Variants in BLK observed in about 807,000 individuals in gnomAD.
The protein encoded by BLK is BLK proto-oncogene, Src family tyrosine kinase.
Under a neutral mutation model 61.8 loss-of-function variants are expected in BLK, and 64 were observed. That is an observed-to-expected ratio of 1.03 (90% CI 0.85 to 1.27). The LOEUF is 1.27. BLK is among the 50% of genes most tolerant of loss of function. The pLI, the probability that BLK is intolerant of heterozygous loss-of-function variation, is 0.00. For missense variants in BLK, 853 were observed against 660.5 expected, an observed-to-expected ratio of 1.29 and a Z score of -3.19; for synonymous variants, 351 against 272.0, an observed-to-expected ratio of 1.29 and a Z score of -2.86.
chr8:11,512,768 A>G (rs1799068255), intron 1 of BLK, among the ~76,000 whole-genome samples: 1 of 152,074 alleles, frequency 6.6e-6, no homozygotes. Context: ...GGTTCAAGTG[A>G]TTCTGCTGTC....
intron 1 of BLK, among the ~76,000 whole-genome samples, chr8:11,524,207 T>C (rs1799560993): frequency 6.6e-6 from 1 of 152,238 alleles, no homozygotes; most frequent in Non-Finnish European, 1.5e-5. Context: ...TAATTTATAC[T>C]GTACTGTTCA....
chr8:11,559,784 C>G (rs1261475064), intron 10 of BLK: 1 of 456,126 alleles, frequency 2.2e-6, no homozygotes, highest in African/African-American at 2.0e-5. Flanking sequence ...CACTTCCCAC[C>G]TGGCAGAATC....
intron 1 of BLK, among the ~76,000 whole-genome samples, chr8:11,511,688 G>C (rs1261200375): frequency 6.6e-6 from 1 of 152,082 alleles, no homozygotes; most frequent in East Asian, 1.9e-4. Flanking sequence ...AAAGGGGATG[G>C]ACTTCCTGAA....
Position 11,535,219 on chromosome 8 carries a change from G to A in BLK, c.-1-8005G>A, listed in dbSNP as rs1483050042. On this transcript the variant is annotated intron_variant, in intron 1 of 12. Coordinates refer to ENST00000259089, the MANE Select transcript of BLK (RefSeq NM_001715.3). ...AGAAGGAAAGAAAGAAAGAAAGAGA[G>A]AGAAAGAAAGAAAAAGAAAAGAAGG... is the stretch of plus-strand genomic sequence containing the variant. Among the ~76,000 whole-genome samples the A allele has an allele frequency of 7.5e-5, 9 of 120,770 alleles. No individual in the cohort carries two copies. In the East Asian group the frequency reaches 9.9e-4, roughly 13 times the overall value. 79.2% of individuals were successfully genotyped at this position (120,770 alleles called of 152,430 possible).
chr8:11,543,806 TG>T (rs1005309382), intron 2 of BLK, among the ~76,000 whole-genome samples: 39 of 152,210 alleles, frequency 2.6e-4, no homozygotes, highest in Non-Finnish European at 4.4e-4. Context: ...TGGAATCCCA[TG>T]GGCATTTTAA....
intron 3 of BLK, among the ~76,000 whole-genome samples, chr8:11,546,340 A>C (rs1800640376): frequency 1.3e-5 from 2 of 152,186 alleles, no homozygotes; most frequent in African/African-American, 4.8e-5. Context: ...AGACTTTACA[A>C]ACTGTAAACA....
chr8:11,558,858 C>T (rs773441969), intron 10 of BLK: 10 of 455,880 alleles, frequency 2.2e-5, no homozygotes, highest in Non-Finnish European at 3.1e-5. Context: ...AGAGGAAACG[C>T]TCCCACCCAC....
At chr8:11,526,758 A>G (rs1277577025) in intron 1 of BLK, among the ~76,000 whole-genome samples, 1 of 151,506 alleles carries the variant, frequency 6.6e-6, no homozygotes, top group Non-Finnish European at 1.5e-5. Flanking sequence ...TTCAGTGCTT[A>G]TATAATTTTA....
chr8:11,563,849 C>A lies in BLK; in HGVS notation c.1313-54C>A, dbSNP rs10097005. ...GCCCCGCGGGACGCTCAGGGCCCCC[C>A]ACCCACCGAGGACCCCAGCCCCTCA... On this transcript the variant is annotated intron_variant, in intron 12 of 12. Coordinates refer to ENST00000259089, the MANE Select transcript of BLK (RefSeq NM_001715.3). 611,326 of 1,534,082 alleles carry A rather than the reference C, an allele frequency of 0.4. 130,568 individuals are homozygous for A. The highest frequency in any genetic ancestry group is 0.92 in the East Asian group (38,293 of 41,658).
intron 1 of BLK, among the ~76,000 whole-genome samples, chr8:11,498,493 C>A (rs2618478): frequency 0.86 from 131,657 of 152,240 alleles, 57,421 homozygotes; most frequent in African/African-American, 0.97. Context: ...TCTAGGAAGA[C>A]TACTTTAATT....
chr8:11,548,208 AT>A, intron 4 of BLK, 83 bp downstream of exon 4: 1 of 1,202,074 alleles, frequency 8.3e-7, no homozygotes, highest in Non-Finnish European at 1.2e-6. Context: ...CACATCCTCC[AT>A]GGCTGACCCT....
chr8:11,503,553 G>C (rs1464802522), intron 1 of BLK, among the ~76,000 whole-genome samples: 3 of 152,148 alleles, frequency 2.0e-5, no homozygotes, highest in South Asian at 2.1e-4. Flanking sequence ...TTTTCAGAGA[G>C]GCCTTTGCCA....
intron 1 of BLK, 127 bp from the exon 2 acceptor site, chr8:11,543,097 C>A (rs916212444): frequency 1.4e-6 from 2 of 1,473,338 alleles, no homozygotes; most frequent in Non-Finnish European, 9.3e-7. Context: ...ACTTTGAGGT[C>A]TTTGCTGCAC....
intron 1 of BLK, among the ~76,000 whole-genome samples, chr8:11,539,841 G>A (rs1373793189): frequency 1.3e-5 from 2 of 152,146 alleles, no homozygotes; most frequent in East Asian, 1.9e-4. Context: ...GGTTTGTGTT[G>A]CACTAACTTC....
chr8:11,547,283 A>T (rs1432930400), intron 3 of BLK, among the ~76,000 whole-genome samples: 1 of 152,228 alleles, frequency 6.6e-6, no homozygotes, highest in Admixed American at 6.5e-5. Context: ...AGAAGAGGTG[A>T]CCAGCCCGAG....
chr8:11,547,062 G>A (rs765447828), intron 3 of BLK, among the ~76,000 whole-genome samples: 9 of 152,350 alleles, frequency 5.9e-5, no homozygotes, highest in South Asian at 4.1e-4. Context: ...TCGGCCAGCC[G>A]GGCCCCACCC....
chr8:11,549,109 C>T lies in BLK; in HGVS notation c.355C>T (p.Leu119=). ...TAACTTTGTGGCCCGAGTGGAGAGC[C>T]TGGAAATGGAAAGGTAGGTGGGCAC... ...PSNFVARVES[L]EMERWFFRSQ... The change falls in exon 5 of 13, where the codon CTG becomes TTG. Residue 119 remains leucine, a synonymous_variant. Coordinates refer to ENST00000259089, the MANE Select transcript of BLK (RefSeq NM_001715.3). The T allele has an allele frequency of 1.2e-6, 2 of 1,607,416 alleles. No individual in the cohort carries two copies. The highest frequency in any genetic ancestry group is 1.3e-5 in the African/African-American group (1 of 74,974).
At chr8:11,542,108 C>T (rs1800403461) in intron 1 of BLK, among the ~76,000 whole-genome samples, 1 of 152,168 alleles carries the variant, frequency 6.6e-6, no homozygotes, top group African/African-American at 2.4e-5. Flanking sequence ...AATGTGCTTT[C>T]AGCTCTCTGG....
chr8:11,557,717 G>A (rs1801300169), intron 9 of BLK, among the ~76,000 whole-genome samples: 1 of 152,188 alleles, frequency 6.6e-6, no homozygotes, highest in Non-Finnish European at 1.5e-5. Context: ...CCTGCACCTG[G>A]CTGAAACCTA....
Sources: gnomAD v4.1 joint callset for allele counts (sites outside exome capture counted in the v4.1 genomes callset) on GRCh38, gnomAD v4.1.1 for gene constraint, MANE v1.5 for transcripts, NCBI Gene and HGNC (gene_info 2026-07-23, HGNC 2026-07-21) for gene names.